Variants in ASPH observed in about 807,000 individuals in gnomAD.
ASPH encodes aspartyl/asparaginyl beta-hydroxylase.
Under a neutral mutation model 118.4 loss-of-function variants are expected in ASPH, and 100 were observed. The observed-to-expected ratio is 0.84, with a 90% CI of 0.72 to 1.00. The LOEUF is 1.00. ASPH is among the 50% of genes least tolerant of loss of function. The pLI is 0.00. For synonymous variants in ASPH, 315 were observed against 325.6 expected, an observed-to-expected ratio of 0.97 and a Z score of 0.35; for missense variants, 920 against 919.5, an observed-to-expected ratio of 1.00 and a Z score of -0.01.
intron 13 of ASPH, among the ~76,000 whole-genome samples, chr8:61,622,965 T>A (rs1457279696): frequency 6.6e-6 from 1 of 152,198 alleles, no homozygotes; most frequent in African/African-American, 2.4e-5. Flanking sequence ...CCCAGGGGCT[T>A]CTTCCTTATT....
chr8:61,636,679 C>T (rs972279827), intron 12 of ASPH, among the ~76,000 whole-genome samples: 5 of 152,260 alleles, frequency 3.3e-5, no homozygotes, highest in East Asian at 3.9e-4. Context: ...TATTTCTAAA[C>T]CAAGAAAGGT....
chr8:61,682,184 T>C (rs1053416037), intron 2 of ASPH, among the ~76,000 whole-genome samples: 2 of 151,972 alleles, frequency 1.3e-5, no homozygotes, highest in Non-Finnish European at 2.9e-5. Flanking sequence ...ACATTTAAAA[T>C]GATTATGATG....
intron 14 of ASPH, among the ~76,000 whole-genome samples, chr8:61,614,868 T>C (rs1345746490): frequency 6.6e-6 from 1 of 152,180 alleles, no homozygotes; most frequent in East Asian, 1.9e-4. Context: ...CAAATATATG[T>C]AGAATCTAAC....
At chr8:61,549,447 T>G (rs1825088434) in intron 20 of ASPH, among the ~76,000 whole-genome samples, 1 of 152,228 alleles carries the variant, frequency 6.6e-6, no homozygotes, top group African/African-American at 2.4e-5. Context: ...CCTATTTATA[T>G]CATTTAGCAA....
At chr8:61,507,870 A>C (rs1807239773) in intron 24 of ASPH, among the ~76,000 whole-genome samples, 1 of 152,182 alleles carries the variant, frequency 6.6e-6, no homozygotes, top group Admixed American at 6.5e-5. Context: ...CCTGTGACAG[A>C]GGTCTGCCTG....
At chr8:61,639,113 T>G (rs1193673398) in intron 10 of ASPH, among the ~76,000 whole-genome samples, 1 of 152,208 alleles carries the variant, frequency 6.6e-6, no homozygotes, top group Non-Finnish European at 1.5e-5. Context: ...TTTTGTCCTT[T>G]TGGGGCATTT....
chr8:61,553,086 T>C lies in ASPH; in HGVS notation c.1571A>G (p.Asp524Gly), dbSNP rs769168879. The part of the protein sequence containing the change: ...GIESGDPGTD[D>G]GRFYFHLGDA... ...CCCCAGGTGGAAATAAAATCTCCCATCATCAGTGCCAGGATCTCCGGATTC... is the reference window on the plus strand; with the variant it reads ...CCCCAGGTGGAAATAAAATCTCCCACCATCAGTGCCAGGATCTCCGGATTC... The change falls in exon 20 of 25, where the codon GAT (aspartate) becomes GGT (glycine). Residue 524 changes from aspartate to glycine, a missense_variant. Transcript: ENST00000379454. 1.2e-5 allele frequency: 20 copies of C among 1,613,578 alleles called. No homozygotes were observed. The highest frequency in any genetic ancestry group is 1.7e-5 in the Non-Finnish European group (20 of 1,179,720).
chr8:61,607,355 T>C, intron 14 of ASPH: 1 of 690,988 alleles, frequency 1.4e-6, no homozygotes, highest in Non-Finnish European at 2.6e-6. Flanking sequence ...ATATATATAA[T>C]TCTTTCTCCT....
intron 24 of ASPH, among the ~76,000 whole-genome samples, chr8:61,510,138 C>T (rs1473520596): frequency 1.3e-5 from 2 of 152,176 alleles, no homozygotes; most frequent in Non-Finnish European, 2.9e-5. Context: ...CCACACAACA[C>T]TTTATAAATA....
chr8:61,667,166 C>T (rs925199427), intron 3 of ASPH, among the ~76,000 whole-genome samples: 1 of 152,030 alleles, frequency 6.6e-6, no homozygotes, highest in Non-Finnish European at 1.5e-5. Flanking sequence ...AAACAATATG[C>T]CAAGCCCGTG....
At position 61,501,018 on chromosome 8, in the gene ASPH, T is replaced by G. The variant is rs1249579363; in HGVS notation, c.*2341A>C. The G allele has an allele frequency of 6.6e-6, 1 of 152,210 alleles. No homozygotes were observed. Among genetic ancestry groups the G allele is most frequent in the Non-Finnish European group, 1.5e-5 (1 of 68,038 alleles). The allele number at this position is 152,210 out of a possible 1,614,324, so 9.4% of individuals were successfully genotyped here. On this transcript the variant is annotated 3_prime_UTR_variant, in exon 25 of 25. Transcript: ENST00000379454. Reference sequence around the variant, plus strand: ...AGAGAACAATAACAGAAGTAATTTTTATATTATACACTTGGAGAAATAAAG... The same window carrying G: ...AGAGAACAATAACAGAAGTAATTTTGATATTATACACTTGGAGAAATAAAG...
chr8:61,689,711 T>C (rs2151770480), intron 1 of ASPH: 1 of 1,571,510 alleles, frequency 6.4e-7, no homozygotes, highest in Non-Finnish European at 8.6e-7. Flanking sequence ...AATCCATGAA[T>C]AATAAATGCT....
chr8:61,573,631 TA>T (rs1834158288), intron 16 of ASPH, among the ~76,000 whole-genome samples: 1 of 152,196 alleles, frequency 6.6e-6, no homozygotes, highest in African/African-American at 2.4e-5. Context: ...CCCTATTTAA[TA>T]AATGGTATTG....
chr8:61,611,405 G>A (rs554925137), intron 14 of ASPH, among the ~76,000 whole-genome samples: 21 of 152,164 alleles, frequency 1.4e-4, no homozygotes, highest in African/African-American at 2.9e-4. Context: ...ATATTCTTTC[G>A]GCCACACAGG....
At chr8:61,689,964 G>A (rs566333933) in intron 1 of ASPH, 3 of 809,872 alleles carry the variant, frequency 3.7e-6, no homozygotes, top group South Asian at 5.2e-5. Flanking sequence ...TCCCACTTAC[G>A]GGATTCTTTT....
chr8:61,566,884 A>G (rs761352349), intron 17 of ASPH, among the ~76,000 whole-genome samples: 3 of 152,208 alleles, frequency 2.0e-5, no homozygotes, highest in Non-Finnish European at 2.9e-5. Flanking sequence ...TAGTATAAAT[A>G]CAACTTTTAG....
chr8:61,697,673 T>C (rs1021211755), intron 1 of ASPH, among the ~76,000 whole-genome samples: 5 of 152,294 alleles, frequency 3.3e-5, no homozygotes, highest in Middle Eastern at 3.4e-3. Context: ...TTATAAAGGA[T>C]ATTACACAGG....
intron 14 of ASPH, among the ~76,000 whole-genome samples, chr8:61,599,836 A>C (rs918828769): frequency 4.6e-5 from 7 of 152,170 alleles, no homozygotes; most frequent in African/African-American, 1.7e-4. Flanking sequence ...CCAAACTTTT[A>C]AAGAACTAAC....
intron 2 of ASPH, among the ~76,000 whole-genome samples, chr8:61,682,970 T>C (rs1164788748): frequency 6.8e-4 from 103 of 152,222 alleles, no homozygotes; most frequent in African/African-American, 1.2e-4. Context: ...CAAATGTCCA[T>C]CACTGATAAA....
Sources: gnomAD v4.1 joint callset for allele counts (sites outside exome capture counted in the v4.1 genomes callset) on GRCh38, gnomAD v4.1.1 for gene constraint, MANE v1.5 for transcripts, NCBI Gene and HGNC (gene_info 2026-07-23, HGNC 2026-07-21) for gene names.